CROCC: variants seen among roughly 807,000 people sequenced by gnomAD.
CROCC encodes rootletin.
In CROCC, 180 loss-of-function variants were observed where a neutral mutation model predicts 245.2. That is an observed-to-expected ratio of 0.73 (90% confidence interval 0.65 to 0.83). The LOEUF (loss-of-function observed/expected upper bound fraction) is 0.83, where lower values mean the gene tolerates loss of function less well. Among genes scored for constraint, CROCC ranks in the 40% least tolerant of loss-of-function variants. The probability of loss-of-function intolerance (pLI) is 0.00; values close to 1 mark genes in which losing one functional copy is unlikely to be tolerated. For missense variants in CROCC, 2,688 were observed against 2,779.4 expected (o/e 0.97, Z 0.74); for synonymous variants, 1,205 against 1,241.6 (o/e 0.97, Z 0.62).
At chr1:16,961,250 C>A in intron 27 of CROCC, 120 bp downstream of exon 27, 1 of 1,020,156 alleles carries the variant, frequency 9.8e-7, no homozygotes, top group East Asian at 3.7e-5. Context: ...GCCCACCACA[C>A]CTCTCCACTG....
rs1186706542 is a variant in CROCC at position 16,938,922 on chromosome 1, ACT to A, written c.1391_1392del (p.Ser464Ter). On this transcript the variant is annotated frameshift_variant, in exon 12 of 37. Transcript: ENST00000375541. LOFTEE classifies it high-confidence loss of function. Reference sequence around the variant, plus strand: ...CCCCACCCTCAGGCCGTCTTGTCAGACTCTGAGAGCGGCGTCCAGCTGAGCGG... The same window carrying A: ...CCCCACCCTCAGGCCGTCTTGTCAGACTGAGAGCGGCGTCCAGCTGAGCGG... 7 of 1,601,892 alleles carry A rather than the reference ACT, an allele frequency of 4.4e-6. No homozygotes were observed. Among genetic ancestry groups the A allele is most frequent in the Non-Finnish European group, 5.9e-6 (7 of 1,176,622 alleles).
At chr1:16,921,009 G>A (rs1346961382), upstream of CROCC, among the ~76,000 whole-genome samples, 1 of 152,278 alleles carries the variant, frequency 6.6e-6, no homozygotes, top group Non-Finnish European at 1.5e-5. Context: ...CTCCCAAAAT[G>A]CCGAGATTAC....
intron 8 of CROCC, among the ~76,000 whole-genome samples, chr1:16,932,660 G>A: frequency 6.6e-6 from 1 of 152,148 alleles, no homozygotes; most frequent in East Asian, 1.9e-4. Flanking sequence ...CAAAGGCATG[G>A]AGGTGGGAGC....
intron 26 of CROCC, among the ~76,000 whole-genome samples, chr1:16,959,076 G>A (rs750624681): frequency 6.6e-5 from 10 of 152,314 alleles, no homozygotes; most frequent in Admixed American, 1.3e-4. Flanking sequence ...AGGCTGGAGT[G>A]CGCTGGCACC....
chr1:16,939,058 C>T lies in CROCC; in HGVS notation c.1524C>T (p.Arg508=). 1.3e-6 allele frequency: 2 copies of T among 1,589,550 alleles called. No individual in the cohort carries two copies. The highest frequency in any genetic ancestry group is 1.7e-6 in the Non-Finnish European group (2 of 1,172,022). The change falls in exon 12 of 37, where the codon CGC becomes CGT. Residue 508 remains arginine, a synonymous_variant. Coordinates refer to ENST00000375541, the MANE Select transcript of CROCC (RefSeq NM_014675.5). ...CGCCCGGCCGAGGCCGTTCACCCCG[C>T]CGAGGCCCCTCCCCGGCCTGCTCAG... ...RSSPGRGRSP[R]RGPSPACSDS...
chr1:16,915,815 G>A (rs187451551), intron 1 of CROCC, among the ~76,000 whole-genome samples: 691 of 151,992 alleles, frequency 4.5e-3, no homozygotes, highest in African/African-American at 0.016. Flanking sequence ...GGGGAAGTGC[G>A]TCCCAGGCAG....
intron 16 of CROCC, among the ~76,000 whole-genome samples, 173 bp from the exon 17 acceptor site, chr1:16,946,588 C>A (rs1436075586): frequency 2.0e-5 from 3 of 152,288 alleles, no homozygotes; most frequent in Non-Finnish European, 2.9e-5. Context: ...CACAGAAGTT[C>A]CATGGGCCCT....
upstream of CROCC, among the ~76,000 whole-genome samples, chr1:16,921,329 G>A (rs537916485): frequency 3.6e-4 from 55 of 152,384 alleles, no homozygotes; most frequent in African/African-American, 1.3e-3. Context: ...CAAGGCTAGG[G>A]CATTTGTAGT....
intron 26 of CROCC, among the ~76,000 whole-genome samples, chr1:16,959,984 C>T (rs1246924640): frequency 6.6e-6 from 1 of 151,244 alleles, no homozygotes; most frequent in Non-Finnish European, 1.5e-5. Context: ...GAAACAAAAA[C>T]AGCCGGGCGC....
chr1:16,953,321 T>C lies in CROCC; in HGVS notation c.3026T>C (p.Leu1009Pro). 1.3e-6 allele frequency: 2 copies of C among 1,592,578 alleles called. No individual in the cohort carries two copies. The highest frequency in any genetic ancestry group is 1.7e-6 in the Non-Finnish European group (2 of 1,171,622). ...QREKEAAWRE[L>P]EAERAQLQSQ... ...CCCTAGGAGGCAGCATGGCGGGAGC[T>C]GGAGGCCGAGCGGGCCCAGCTGCAG... The change falls in exon 21 of 37, where the codon CTG becomes CCG. Residue 1009 changes from leucine (L) to proline (P), a missense_variant. Physicochemically the swap from Leu to Pro is moderately conservative, Grantham distance 98. Coordinates refer to ENST00000375541, the MANE Select transcript of CROCC (RefSeq NM_014675.5).
chr1:16,916,481 C>T (rs1228984463), intron 1 of CROCC, among the ~76,000 whole-genome samples: 5 of 152,368 alleles, frequency 3.3e-5, no homozygotes, highest in East Asian at 1.9e-4. Context: ...ACACAGCAGG[C>T]GCTGCAGGAT....
chr1:16,943,825 T>C (rs1200340214), intron 13 of CROCC, among the ~76,000 whole-genome samples: 1 of 152,264 alleles, frequency 6.6e-6, no homozygotes, highest in Non-Finnish European at 1.5e-5. Context: ...GGAGCCTAGC[T>C]CGGCCTCTTC....
At chr1:16,947,372 G>A (rs2076072745) in intron 17 of CROCC, among the ~76,000 whole-genome samples, 1 of 152,230 alleles carries the variant, frequency 6.6e-6, no homozygotes, top group African/African-American at 2.4e-5. Flanking sequence ...GGGAGGCTGA[G>A]GCAGGAGAAT....
At chr1:16,957,212 G>C (rs1029784179) in intron 25 of CROCC, among the ~76,000 whole-genome samples, 2 of 152,120 alleles carry the variant, frequency 1.3e-5, no homozygotes, top group Admixed American at 1.3e-4. Flanking sequence ...TTCAAGACCA[G>C]CCCAGGCAAC....
intron 8 of CROCC, among the ~76,000 whole-genome samples, chr1:16,934,933 T>C (rs183267066): frequency 2.0e-5 from 3 of 151,178 alleles, no homozygotes; most frequent in Admixed American, 2.0e-4. Flanking sequence ...AGAGTCTTGC[T>C]CTGTCTCCCA....
At chr1:16,970,108 G>C in intron 33 of CROCC, 145 bp from the exon 34 acceptor site, 1 of 1,189,408 alleles carries the variant, frequency 8.4e-7, no homozygotes, top group Non-Finnish European at 1.1e-6. Context: ...GACTGAGAGA[G>C]ACAGGTTTGG....
intron 26 of CROCC, among the ~76,000 whole-genome samples, chr1:16,960,160 G>C (rs927137426): frequency 6.6e-6 from 1 of 152,048 alleles, no homozygotes; most frequent in African/African-American, 2.4e-5. Context: ...CCAGCTACTC[G>C]GAGGCTGAGG....
chr1:16,942,511 G>C (rs1400479209), intron 13 of CROCC, among the ~76,000 whole-genome samples: 1 of 152,278 alleles, frequency 6.6e-6, no homozygotes, highest in East Asian at 1.9e-4. Flanking sequence ...GCCTGGCAGT[G>C]AGATAGCAAA....
intron 35 of CROCC, chr1:16,971,078 A>G (rs2076509475): frequency 2.3e-6 from 1 of 440,578 alleles, no homozygotes; most frequent in Non-Finnish European, 4.0e-6. Flanking sequence ...GTGTCTAGGT[A>G]TTATGAATAT....
Sources: allele counts gnomAD v4.1 joint callset (sites outside exome capture counted in the v4.1 genomes callset), GRCh38; gene constraint gnomAD v4.1.1; transcripts MANE v1.5; gene names NCBI Gene and HGNC (gene_info 2026-07-23, HGNC 2026-07-21).